Variants in ROBO2 observed in about 807,000 individuals in gnomAD.
ROBO2 encodes roundabout guidance receptor 2, also known as roundabout homolog 2.
Under a neutral mutation model 160.8 loss-of-function variants are expected in ROBO2, and 53 were observed. The ratio of observed to expected loss-of-function variants is 0.33; its 90% CI spans 0.26 to 0.41. ROBO2 has a LOEUF of 0.41. Ranked by LOEUF, ROBO2 falls within the 10% of genes least tolerant of loss-of-function variation. ROBO2 has a pLI of 1.00. For missense variants in ROBO2, 1,577 were observed against 1,722.4 expected, an observed-to-expected ratio of 0.92 and a Z score of 1.49; for synonymous variants, 664 against 611.7, an observed-to-expected ratio of 1.09 and a Z score of -1.26.
chr3:76,538,914 A>G (rs1409148013), intron 2 of ROBO2, among the ~76,000 whole-genome samples: 1 of 152,080 alleles, frequency 6.6e-6, no homozygotes, highest in Non-Finnish European at 1.5e-5. Context: ...ATGCTGTCCT[A>G]TTTACAACAG....
rs529958532 is a variant in ROBO2, at chr3:76,577,240, A to ATAAAT, written c.110-520771_110-520770insATTAA. On this transcript the variant is annotated intron_variant, in intron 2 of 26. Transcript: ENST00000487694. Reference sequence around the variant, plus strand: ...AACTACATATCTCATTTTTTAGGAAATAATACTTTGAGGAAGATTGCCTCA... The same window carrying ATAAAT: ...AACTACATATCTCATTTTTTAGGAAATAAATTAATACTTTGAGGAAGATTGCCTCA... 2.7e-4 allele frequency among the ~76,000 whole-genome samples: 41 copies of ATAAAT among 152,204 alleles called. 1 individual carries two copies. The South Asian group carries it at 2.7e-3, about 10-fold the overall frequency.
At chr3:77,511,341 T>C (rs557273464) in intron 5 of ROBO2, among the ~76,000 whole-genome samples, 1 of 152,020 alleles carries the variant, frequency 6.6e-6, no homozygotes, top group South Asian at 2.1e-4. Context: ...TGCTTTGATG[T>C]CTGAAAGAGC....
chr3:77,498,610 CTT>C (rs77599654), intron 5 of ROBO2, among the ~76,000 whole-genome samples: 17 of 142,454 alleles, frequency 1.2e-4, no homozygotes, highest in East Asian at 2.0e-4. Context: ...CTTATAATTC[CTT>C]TTTTTTTTTT....
chr3:76,561,362 A>G (rs1029567649), intron 2 of ROBO2, among the ~76,000 whole-genome samples: 1 of 152,102 alleles, frequency 6.6e-6, no homozygotes, highest in South Asian at 2.1e-4. Context: ...CAATGCAGAT[A>G]ATATTTTTCC....
At chr3:77,421,626 C>G (rs113599314) in intron 2 of ROBO2, among the ~76,000 whole-genome samples, 1 of 151,948 alleles carries the variant, frequency 6.6e-6, no homozygotes, top group Non-Finnish European at 1.5e-5. Flanking sequence ...CTTTAGTCAT[C>G]GAAAGCATTG....
intron 2 of ROBO2, among the ~76,000 whole-genome samples, chr3:76,741,429 G>T (rs2093800163): frequency 6.6e-6 from 1 of 151,934 alleles, no homozygotes; most frequent in African/African-American, 2.4e-5. Flanking sequence ...AACCCTAAAA[G>T]TCTTTTAACA....
intron 2 of ROBO2, among the ~76,000 whole-genome samples, chr3:76,228,755 A>G (rs113348319): frequency 3.0e-4 from 45 of 152,364 alleles, no homozygotes; most frequent in African/African-American, 1.0e-3. Flanking sequence ...AAGAACTCAC[A>G]GATTTTACTT....
At chr3:76,284,036 C>T (rs576600713) in intron 2 of ROBO2, among the ~76,000 whole-genome samples, 2 of 151,944 alleles carry the variant, frequency 1.3e-5, no homozygotes, top group Admixed American at 6.6e-5. Context: ...ATGACCCTAC[C>T]ATTCTAATTG....
chr3:77,492,251 G>A (rs78412033), intron 4 of ROBO2, among the ~76,000 whole-genome samples: 15,876 of 152,074 alleles, frequency 0.1, 1,105 homozygotes, highest in South Asian at 0.21. Flanking sequence ...GCAGATATGG[G>A]CTAATAAAAT....
chr3:76,964,329 TTTTTGTTTTGTTTTG>T (rs561269954), intron 2 of ROBO2, among the ~76,000 whole-genome samples: 2 of 152,036 alleles, frequency 1.3e-5, no homozygotes, highest in East Asian at 1.9e-4. Context: ...ACTCCTTTTG[TTTTTGTTTTGTTTTG>T]TTTTGTTTTG....
intron 2 of ROBO2, among the ~76,000 whole-genome samples, chr3:77,281,566 A>G (rs2060242592): frequency 6.6e-6 from 1 of 152,114 alleles, no homozygotes; most frequent in African/African-American, 2.4e-5. Flanking sequence ...TTCATCCCTC[A>G]GTATCTGTGA....
At chr3:77,418,064 G>T (rs2077403544) in intron 2 of ROBO2, among the ~76,000 whole-genome samples, 1 of 152,050 alleles carries the variant, frequency 6.6e-6, no homozygotes, top group African/African-American at 2.4e-5. Flanking sequence ...AAGCCTTGTT[G>T]CTACCTCAAG....
chr3:77,287,148 A>C (rs1449216315), intron 2 of ROBO2, among the ~76,000 whole-genome samples: 1 of 152,218 alleles, frequency 6.6e-6, no homozygotes, highest in African/African-American at 2.4e-5. Context: ...CTCTTGAAAT[A>C]AACCCATGAG....
chr3:76,966,510 A>G (rs2059301470), intron 2 of ROBO2, among the ~76,000 whole-genome samples: 1 of 152,210 alleles, frequency 6.6e-6, no homozygotes, highest in Non-Finnish European at 1.5e-5. Flanking sequence ...TCTGTGTAAC[A>G]TTGGAGTCTT....
chr3:75,940,789 T>C (rs1948019573), intron 2 of ROBO2, among the ~76,000 whole-genome samples: 1 of 152,104 alleles, frequency 6.6e-6, no homozygotes, highest in African/African-American at 2.4e-5. Context: ...AACTGACATA[T>C]AATAAGCATG....
At chr3:75,975,409 G>T (rs1185203871) in intron 2 of ROBO2, among the ~76,000 whole-genome samples, 1 of 151,162 alleles carries the variant, frequency 6.6e-6, no homozygotes, top group Non-Finnish European at 1.5e-5. Flanking sequence ...TTATTTATAT[G>T]TACTAATATA....
upstream of ROBO2, among the ~76,000 whole-genome samples, chr3:77,037,775 C>A (rs2063726205): frequency 6.6e-6 from 1 of 152,140 alleles, no homozygotes; most frequent in African/African-American, 2.4e-5. Context: ...AATAAATAGT[C>A]ATGAGAAAAC....
intron 5 of ROBO2, among the ~76,000 whole-genome samples, chr3:77,508,085 C>T (rs375249995): frequency 6.6e-6 from 1 of 151,766 alleles, no homozygotes; most frequent in East Asian, 1.9e-4. Context: ...TGGATTTGAT[C>T]TTATATGAAT....
intron 2 of ROBO2, among the ~76,000 whole-genome samples, chr3:76,655,112 T>C (rs2091444599): frequency 1.3e-5 from 2 of 150,742 alleles, no homozygotes; most frequent in South Asian, 4.2e-4. Flanking sequence ...ATAGTATGGC[T>C]GTGAACATTC....
Sources: allele counts gnomAD v4.1 joint callset (sites outside exome capture counted in the v4.1 genomes callset), GRCh38; gene constraint gnomAD v4.1.1; transcripts MANE v1.5; gene names NCBI Gene and HGNC (gene_info 2026-07-23, HGNC 2026-07-21).